FABP12: variants seen among roughly 807,000 people sequenced by gnomAD.
The protein encoded by FABP12 is fatty acid-binding protein 12.
A neutral mutation model predicts 13.7 loss-of-function variants in FABP12; 19 were observed. The observed-to-expected ratio is 1.39, with a 90% CI of 0.97 to 2.04. The LOEUF (loss-of-function observed/expected upper bound fraction) is 2.04. Ranked by LOEUF, FABP12 falls within the 30% of genes most tolerant of loss-of-function variation. FABP12 has a pLI of 0.00. For missense variants in FABP12, 182 were observed against 164.2 expected, an observed-to-expected ratio of 1.11 and a Z score of -0.59; for synonymous variants, 61 against 57.0, an observed-to-expected ratio of 1.07 and a Z score of -0.32.
At chr8:81,568,976 G>T (rs553862108) in intron 1 of FABP12, among the ~76,000 whole-genome samples, 1 of 152,162 alleles carries the variant, frequency 6.6e-6, no homozygotes, top group Non-Finnish European at 1.5e-5. Context: ...GGTGGTGGTG[G>T]ATGGGTGGGG....
At chr8:81,575,896 C>T (rs1000644863) in intron 1 of FABP12, among the ~76,000 whole-genome samples, 3 of 152,072 alleles carry the variant, frequency 2.0e-5, no homozygotes, top group African/African-American at 7.2e-5. Context: ...CTAACTAATG[C>T]CTGATGAAAC....
chr8:81,588,171 C>T (rs892004281), intron 1 of FABP12, among the ~76,000 whole-genome samples: 1 of 152,182 alleles, frequency 6.6e-6, no homozygotes, highest in African/African-American at 2.4e-5. Context: ...GTAACACTCT[C>T]ACAGACACAC....
exon 2 of FABP12, chr8:81,531,335 T>C: frequency 6.4e-7 from 1 of 1,569,126 alleles, no homozygotes; most frequent in Non-Finnish European, 8.7e-7. Flanking sequence ...GATAAGTTGA[T>C]CTCAAAGAAC....
intron 1 of FABP12, among the ~76,000 whole-genome samples, chr8:81,579,927 G>A (rs1395764564): frequency 2.0e-5 from 3 of 151,980 alleles, no homozygotes; most frequent in Non-Finnish European, 4.4e-5. Flanking sequence ...GGGTTCTTAT[G>A]AGCTATTTTT....
chr8:81,553,799 A>G (rs1659617755), intron 1 of FABP12, among the ~76,000 whole-genome samples: 1 of 152,224 alleles, frequency 6.6e-6, no homozygotes, highest in Admixed American at 6.5e-5. Flanking sequence ...CGATGTACGT[A>G]GTGCAGTGCT....
chr8:81,566,259 T>C (rs113970372), intron 1 of FABP12, among the ~76,000 whole-genome samples: 17,729 of 152,032 alleles, frequency 0.12, 1,326 homozygotes, highest in East Asian at 0.26. Context: ...CTAATACCAA[T>C]TCTACTCAAA....
intron 1 of FABP12, among the ~76,000 whole-genome samples, chr8:81,545,932 T>A (rs1406882139): frequency 6.6e-6 from 1 of 152,174 alleles, no homozygotes; most frequent in Non-Finnish European, 1.5e-5. Context: ...TGCAGCCCAC[T>A]CTCATCCCTG....
intron 1 of FABP12, among the ~76,000 whole-genome samples, chr8:81,577,878 C>G (rs977114874): frequency 6.6e-6 from 1 of 152,190 alleles, no homozygotes; most frequent in African/African-American, 2.4e-5. Context: ...AAATCTTATT[C>G]CCAATATTCT....
intron 1 of FABP12, among the ~76,000 whole-genome samples, chr8:81,579,181 C>T (rs1176537075): frequency 1.3e-5 from 2 of 151,182 alleles, no homozygotes; most frequent in African/African-American, 4.9e-5. Flanking sequence ...AAGTAAATTA[C>T]TTAGCACAAG....
At chr8:81,553,640 G>A (rs374927470) in intron 1 of FABP12, among the ~76,000 whole-genome samples, 10 of 152,224 alleles carry the variant, frequency 6.6e-5, no homozygotes, top group East Asian at 1.9e-4. Flanking sequence ...ATGGAGATTC[G>A]AATACAGAGT....
chr8:81,553,026 T>A (rs925615968), intron 1 of FABP12, among the ~76,000 whole-genome samples: 2 of 152,164 alleles, frequency 1.3e-5, no homozygotes, highest in African/African-American at 2.4e-5. Flanking sequence ...GAATCTTTAA[T>A]GTAATTTTTA....
chr8:81,541,456 G>T (rs1371121233), intron 1 of FABP12, among the ~76,000 whole-genome samples: 1 of 150,898 alleles, frequency 6.6e-6, no homozygotes, highest in African/African-American at 2.4e-5. Flanking sequence ...TTGAGCATCT[G>T]TGTACTTTTG....
At chr8:81,554,209 AGGGAGTGTTG>A (rs1196615317) in intron 1 of FABP12, among the ~76,000 whole-genome samples, 1 of 152,220 alleles carries the variant, frequency 6.6e-6, no homozygotes, top group East Asian at 1.9e-4. Context: ...GATAATGGCA[AGGGAGTGTTG>A]GGTTATACAA....
chr8:81,586,488 C>T lies in FABP12; in HGVS notation c.-185+3565G>A, dbSNP rs781681070. ...GTGTATACATGTTCCCTTTCCTCCA[C>T]AACCTCACAAGAATCTATTATTTTC... On this transcript the variant is annotated intron_variant, in intron 1 of 5. Coordinates refer to the FABP12 transcript ENST00000692030. Among the ~76,000 whole-genome samples, 4 of 152,296 alleles carry T rather than the reference C, an allele frequency of 2.6e-5. No homozygotes were observed. The South Asian group carries it at 8.3e-4, about 32-fold the overall frequency.
chr8:81,589,081 G>A (rs755406287), intron 1 of FABP12, among the ~76,000 whole-genome samples: 2 of 152,140 alleles, frequency 1.3e-5, no homozygotes, highest in Non-Finnish European at 1.5e-5. Context: ...TCAAGATGCT[G>A]AAGGAACCAG....
chr8:81,586,142 G>A lies in FABP12; in HGVS notation c.-185+3911C>T, dbSNP rs188817190. Among the ~76,000 whole-genome samples, 6 of 152,206 alleles carry A rather than the reference G, an allele frequency of 3.9e-5. No homozygotes were observed. In the East Asian group the frequency reaches 1.2e-3, roughly 29 times the overall value. ...AATTCTCTTAGGATATTGGCCTCCA[G>A]CTCTATTCATTTTGCTGCAAAGGAC... On this transcript the variant is annotated intron_variant, in intron 1 of 5. Transcript: ENST00000692030.
chr8:81,570,302 G>A (rs1055345682), intron 1 of FABP12, among the ~76,000 whole-genome samples: 2 of 152,210 alleles, frequency 1.3e-5, no homozygotes, highest in Non-Finnish European at 1.5e-5. Flanking sequence ...CAAGCGAGGC[G>A]CATGTTTCAG....
At chr8:81,590,057 G>A (rs1341522030) in exon 1 of FABP12, among the ~76,000 whole-genome samples, 2 of 152,166 alleles carry the variant, frequency 1.3e-5, no homozygotes, top group Admixed American at 1.3e-4. Context: ...TCCTACCTGA[G>A]AATTCCAAGA....
At chr8:81,543,499 A>T (rs1447733054) in intron 1 of FABP12, among the ~76,000 whole-genome samples, 2 of 152,206 alleles carry the variant, frequency 1.3e-5, no homozygotes, top group African/African-American at 4.8e-5. Context: ...AATTTAGGAG[A>T]TTATTGGTAA....
Sources: allele counts gnomAD v4.1 joint callset (sites outside exome capture counted in the v4.1 genomes callset), GRCh38; gene constraint gnomAD v4.1.1; transcripts MANE v1.5; gene names NCBI Gene and HGNC (gene_info 2026-07-23, HGNC 2026-07-21).